Variants in NCEH1 observed in about 807,000 individuals in gnomAD.
NCEH1 encodes neutral cholesterol ester hydrolase 1, also known as 2-acetyl MAGE hydrolase.
NCEH1 carries 9 observed loss-of-function variants against 25.4 expected under a neutral mutation model. The observed-to-expected ratio is 0.35, with a 90% CI of 0.21 to 0.62. The LOEUF (loss-of-function observed/expected upper bound fraction) is 0.62, where lower values mean the gene tolerates loss of function less well. NCEH1 is among the 20% of genes least tolerant of loss of function. NCEH1 has a pLI of 0.72. For missense variants in NCEH1, 412 were observed against 501.1 expected, an observed-to-expected ratio of 0.82 and a Z score of 1.70; for synonymous variants, 200 against 199.8, an observed-to-expected ratio of 1.00 and a Z score of -0.01.
chr3:172,677,700 G>A (rs1401593385), intron 1 of NCEH1, among the ~76,000 whole-genome samples: 2 of 152,242 alleles, frequency 1.3e-5, no homozygotes, highest in East Asian at 1.9e-4. Context: ...AGGCCGAGGC[G>A]GGCGGATCAC....
intron 1 of NCEH1, among the ~76,000 whole-genome samples, chr3:172,683,831 GT>G (rs1712546621): frequency 6.6e-6 from 1 of 152,208 alleles, no homozygotes; most frequent in African/African-American, 2.4e-5. Flanking sequence ...TAGCTTCTTT[GT>G]AGGTTTTGAA....
At chr3:172,659,936 G>A (rs971036161) in intron 1 of NCEH1, among the ~76,000 whole-genome samples, 1 of 151,534 alleles carries the variant, frequency 6.6e-6, no homozygotes, top group African/African-American at 2.4e-5. Flanking sequence ...ATAGAGAGGA[G>A]TTCTTGGTAA....
intron 1 of NCEH1, among the ~76,000 whole-genome samples, chr3:172,663,923 C>A (rs899464954): frequency 2.6e-5 from 4 of 152,196 alleles, no homozygotes; most frequent in African/African-American, 9.7e-5. Flanking sequence ...ATTTGCTAGT[C>A]TGTGTCTTTT....
chr3:172,659,642 A>G (rs1461534060), intron 1 of NCEH1, among the ~76,000 whole-genome samples: 1 of 152,170 alleles, frequency 6.6e-6, no homozygotes, highest in Non-Finnish European at 1.5e-5. Flanking sequence ...CTGGCACATA[A>G]GTACATTTAT....
intron 3 of NCEH1, among the ~76,000 whole-genome samples, chr3:172,640,601 A>G (rs1183284508): frequency 6.6e-6 from 1 of 151,828 alleles, no homozygotes; most frequent in African/African-American, 2.4e-5. Context: ...TCTGCCTCCC[A>G]GGTTCACGCC....
intron 1 of NCEH1, among the ~76,000 whole-genome samples, chr3:172,683,833 A>ACCAC (rs1712546756): frequency 6.6e-6 from 1 of 152,258 alleles, no homozygotes; most frequent in African/African-American, 2.4e-5. Context: ...GCTTCTTTGT[A>ACCAC]GGTTTTGAAC....
intron 1 of NCEH1, among the ~76,000 whole-genome samples, chr3:172,658,160 G>A (rs543724441): frequency 6.6e-6 from 1 of 152,302 alleles, no homozygotes; most frequent in South Asian, 2.1e-4. Context: ...CAATGAGAGT[G>A]ACCTCTGGTG....
At chr3:172,650,763 G>C (rs1717358904) in intron 1 of NCEH1, among the ~76,000 whole-genome samples, 1 of 134,188 alleles carries the variant, frequency 7.5e-6, no homozygotes, top group Non-Finnish European at 1.5e-5. Flanking sequence ...AGTCAGCCGA[G>C]ACTGTGCCAC....
At chr3:172,635,088 G>C (rs139963218) in intron 4 of NCEH1, among the ~76,000 whole-genome samples, 1 of 152,274 alleles carries the variant, frequency 6.6e-6, no homozygotes, top group East Asian at 1.9e-4. Context: ...TCAACGGTGG[G>C]TCCTGGGTTA....
At chr3:172,667,504 C>T (rs1012196632) in intron 1 of NCEH1, among the ~76,000 whole-genome samples, 1 of 152,172 alleles carries the variant, frequency 6.6e-6, no homozygotes, top group Non-Finnish European at 1.5e-5. Context: ...CGCAGTAAAG[C>T]ACGGTTAGTC....
intron 1 of NCEH1, among the ~76,000 whole-genome samples, chr3:172,682,648 C>T (rs191904165): frequency 3.5e-4 from 53 of 152,252 alleles, no homozygotes; most frequent in Non-Finnish European, 6.0e-4. Context: ...GGATGTATAA[C>T]GTATGTTACC....
intron 1 of NCEH1, among the ~76,000 whole-genome samples, chr3:172,674,907 T>C (rs1416205778): frequency 6.6e-6 from 1 of 152,184 alleles, no homozygotes; most frequent in Non-Finnish European, 1.5e-5. Context: ...AAAGCAAACA[T>C]AGAAGTTTTA....
intron 3 of NCEH1, among the ~76,000 whole-genome samples, chr3:172,638,941 C>T (rs529064936): frequency 2.2e-4 from 34 of 152,128 alleles, no homozygotes; most frequent in Non-Finnish European, 4.6e-4. Context: ...TGGCCTAACC[C>T]CTCCCCTCAT....
intron 1 of NCEH1, among the ~76,000 whole-genome samples, chr3:172,673,677 T>G (rs1421287798): frequency 6.6e-6 from 1 of 152,172 alleles, no homozygotes; most frequent in Non-Finnish European, 1.5e-5. Flanking sequence ...ACAGATAAGG[T>G]AGCAGAAGGA....
At chr3:172,648,856 G>A (rs1272438653) in intron 1 of NCEH1, among the ~76,000 whole-genome samples, 1 of 152,026 alleles carries the variant, frequency 6.6e-6, no homozygotes, top group Admixed American at 6.6e-5. Flanking sequence ...GGTTGCAGAA[G>A]GAACATAGCA....
At chr3:172,706,111 G>A (rs1184249989) in intron 1 of NCEH1, among the ~76,000 whole-genome samples, 1 of 151,746 alleles carries the variant, frequency 6.6e-6, no homozygotes, top group Non-Finnish European at 1.5e-5. Flanking sequence ...GTTAATGGGG[G>A]TTTGGCACAA....
chr3:172,645,714 A>G (rs1012488280), intron 2 of NCEH1, 22 bp from the exon 3 acceptor site: 1 of 1,509,186 alleles, frequency 6.6e-7, no homozygotes. Flanking sequence ...AAAGGGAACA[A>G]TCATTACAAA....
intron 1 of NCEH1, among the ~76,000 whole-genome samples, chr3:172,662,672 C>A (rs1038210628): frequency 2.0e-5 from 3 of 152,204 alleles, no homozygotes; most frequent in African/African-American, 7.2e-5. Context: ...AGGGATTCAA[C>A]TTCTTCCTGG....
intron 2 of NCEH1, 39 bp downstream of exon 2, chr3:172,647,847 A>T (rs770024237): frequency 6.2e-7 from 1 of 1,611,722 alleles, no homozygotes; most frequent in South Asian, 1.1e-5. Flanking sequence ...CCCAAGGCCA[A>T]CCACAACAAC....
Sources: gnomAD v4.1 joint callset for allele counts (sites outside exome capture counted in the v4.1 genomes callset) on GRCh38, gnomAD v4.1.1 for gene constraint, MANE v1.5 for transcripts, NCBI Gene and HGNC (gene_info 2026-07-23, HGNC 2026-07-21) for gene names.